KDM4C: variants seen among roughly 807,000 people sequenced by gnomAD.
KDM4C encodes the protein lysine-specific demethylase 4C.
A neutral mutation model predicts 129.3 loss-of-function variants in KDM4C; 81 were observed. The ratio of observed to expected loss-of-function variants is 0.63; its 90% CI spans 0.52 to 0.75. The LOEUF is 0.75. Ranked by LOEUF, KDM4C falls within the 30% of genes least tolerant of loss-of-function variation. The pLI is 0.00. For synonymous variants in KDM4C, 573 were observed against 456.1 expected, an observed-to-expected ratio of 1.26 and a Z score of -3.26; for missense variants, 1,457 against 1,304.0, an observed-to-expected ratio of 1.12 and a Z score of -1.81.
chr9:6,859,030 C>T (rs1000971372), intron 5 of KDM4C, among the ~76,000 whole-genome samples: 2 of 151,984 alleles, frequency 1.3e-5, no homozygotes, highest in Non-Finnish European at 2.9e-5. Context: ...TATAAATGTT[C>T]CGTTGTTACT....
At chr9:6,810,387 A>G (rs1253817257) in intron 3 of KDM4C, among the ~76,000 whole-genome samples, 2 of 152,204 alleles carry the variant, frequency 1.3e-5, no homozygotes, top group East Asian at 1.9e-4. Flanking sequence ...TATAAAAACT[A>G]AAATCCACTT....
chr9:6,923,313 C>G (rs1380885465), intron 8 of KDM4C, among the ~76,000 whole-genome samples: 1 of 151,772 alleles, frequency 6.6e-6, no homozygotes, highest in Non-Finnish European at 1.5e-5. Flanking sequence ...GCTATTGTGA[C>G]TAATAATTGC....
chr9:6,956,115 G>C (rs1049639947), intron 8 of KDM4C, among the ~76,000 whole-genome samples: 5 of 152,092 alleles, frequency 3.3e-5, no homozygotes, highest in African/African-American at 9.7e-5. Flanking sequence ...GTAGTTGGGG[G>C]TGGTGATGGG....
chr9:6,988,614 A>T (rs1421237037), intron 11 of KDM4C, among the ~76,000 whole-genome samples: 1 of 152,072 alleles, frequency 6.6e-6, no homozygotes, highest in Non-Finnish European at 1.5e-5. Context: ...AGCTGCTGGC[A>T]TTAGCTGATC....
chr9:7,008,392 C>G (rs1177600882), intron 12 of KDM4C, among the ~76,000 whole-genome samples: 1 of 152,166 alleles, frequency 6.6e-6, no homozygotes, highest in Non-Finnish European at 1.5e-5. Context: ...GAGCCAGCCT[C>G]CAAGTCTGCC....
chr9:7,156,246 G>C (rs1843158335), intron 19 of KDM4C, among the ~76,000 whole-genome samples: 1 of 152,144 alleles, frequency 6.6e-6, no homozygotes, highest in South Asian at 2.1e-4. Context: ...GTAGATTCTG[G>C]ATATCAGCCC....
intron 8 of KDM4C, among the ~76,000 whole-genome samples, chr9:6,976,287 G>C (rs1190659557): frequency 2.0e-5 from 3 of 152,048 alleles, no homozygotes; most frequent in Non-Finnish European, 4.4e-5. Flanking sequence ...TCTTACTATA[G>C]AAATAATGAG....
At chr9:6,851,977 T>C (rs1838928496) in intron 5 of KDM4C, among the ~76,000 whole-genome samples, 3 of 152,226 alleles carry the variant, frequency 2.0e-5, no homozygotes, top group African/African-American at 7.2e-5. Context: ...AGAGTAGATT[T>C]ATACTGTCAC....
intron 2 of KDM4C, among the ~76,000 whole-genome samples, chr9:6,799,619 G>A (rs936776828): frequency 6.7e-6 from 1 of 149,386 alleles, no homozygotes; most frequent in Non-Finnish European, 1.5e-5. Context: ...GACGGGAGAC[G>A]GGAGAGGGCT....
At chr9:6,781,087 G>A (rs2779737) in intron 1 of KDM4C, among the ~76,000 whole-genome samples, 126,799 of 152,086 alleles carry the variant, frequency 0.83, 53,390 homozygotes, top group African/African-American at 0.96. Context: ...CTGAGTCCCG[G>A]GGAAGTGATT....
At chr9:7,062,111 G>A (rs1454031133) in intron 17 of KDM4C, among the ~76,000 whole-genome samples, 1 of 152,122 alleles carries the variant, frequency 6.6e-6, no homozygotes, top group Non-Finnish European at 1.5e-5. Flanking sequence ...GGGACTACAG[G>A]TGCCTGCCAC....
chr9:6,790,982 C>A (rs67176627), intron 1 of KDM4C, among the ~76,000 whole-genome samples: 50,523 of 152,086 alleles, frequency 0.33, 8,572 homozygotes, highest in Middle Eastern at 0.35. Flanking sequence ...TTATTAAACT[C>A]CTGTCCGTTC....
intron 15 of KDM4C, among the ~76,000 whole-genome samples, chr9:7,032,460 G>T (rs550703600): frequency 6.6e-6 from 1 of 152,178 alleles, no homozygotes; most frequent in African/African-American, 2.4e-5. Context: ...TTCTGCTTTA[G>T]AGAAAGTAGT....
At chr9:7,105,368 A>C (rs1489597184) in intron 18 of KDM4C, 3 of 455,446 alleles carry the variant, frequency 6.6e-6, no homozygotes, top group African/African-American at 6.0e-5. Context: ...TCATCTATAA[A>C]ACATGGTATC....
chr9:6,859,792 G>T (rs1435264126), intron 5 of KDM4C, among the ~76,000 whole-genome samples: 1 of 149,828 alleles, frequency 6.7e-6, no homozygotes, highest in Non-Finnish European at 1.5e-5. Context: ...GTGAACCTGA[G>T]ATGCGGAGCT....
chr9:6,827,095 A>T (rs1234454360), intron 4 of KDM4C, among the ~76,000 whole-genome samples: 1 of 152,184 alleles, frequency 6.6e-6, no homozygotes, highest in Non-Finnish European at 1.5e-5. Context: ...ACAGACACCC[A>T]CTGCCCCATT....
chr9:6,841,582 AAGC>A (rs2129850282), intron 4 of KDM4C, among the ~76,000 whole-genome samples: 1 of 152,310 alleles, frequency 6.6e-6, no homozygotes, highest in Non-Finnish European at 1.5e-5. Context: ...ACAAATGAGA[AAGC>A]AGCCCCTAAA....
intron 18 of KDM4C, among the ~76,000 whole-genome samples, chr9:7,126,300 C>G (rs745856749): frequency 1.3e-5 from 2 of 152,072 alleles, no homozygotes; most frequent in Non-Finnish European, 2.9e-5. Context: ...TCAGTATGAG[C>G]TGGTAATTGA....
chr9:6,941,719 T>A (rs3818901), intron 8 of KDM4C: 4 of 152,074 alleles, frequency 2.6e-5, no homozygotes, highest in Admixed American at 6.5e-5. Context: ...CATGCGCTCC[T>A]TACCACGGTC....
Sources: gnomAD v4.1 joint callset for allele counts (sites outside exome capture counted in the v4.1 genomes callset) on GRCh38, gnomAD v4.1.1 for gene constraint, MANE v1.5 for transcripts, NCBI Gene and HGNC (gene_info 2026-07-23, HGNC 2026-07-21) for gene names.